The following SMG5 variants were observed in gnomAD, a reference collection of about 807,000 sequenced individuals.
SMG5 encodes SMG5 nonsense mediated mRNA decay factor.
A neutral mutation model predicts 122.9 loss-of-function variants in SMG5; 53 were observed. That is an observed-to-expected ratio of 0.43 (90% CI 0.35 to 0.54). The LOEUF (loss-of-function observed/expected upper bound fraction) is 0.54, where lower values mean the gene tolerates loss of function less well. SMG5 is among the 20% of genes least tolerant of loss of function. The probability of loss-of-function intolerance (pLI) is 0.01; values close to 1 mark genes in which losing one functional copy is unlikely to be tolerated. For synonymous variants in SMG5, 477 were observed against 490.2 expected, an observed-to-expected ratio of 0.97 and a Z score of 0.35; for missense variants, 1,153 against 1,285.6, an observed-to-expected ratio of 0.90 and a Z score of 1.58.
Position 156,268,343 on chromosome 1 carries a change from C to T in SMG5, c.786G>A (p.Met262Ile). The T allele has an allele frequency of 6.2e-7, 1 of 1,614,170 alleles. No homozygotes were observed. The highest frequency in any genetic ancestry group is 1.1e-5 in the South Asian group (1 of 91,078). Residue 262 changes from methionine (M) to isoleucine (I), a missense_variant, in exon 8 of 22, where the codon ATG becomes ATA. Met to Ile is a conservative substitution (Grantham distance 10). Coordinates refer to ENST00000361813, the MANE Select transcript of SMG5 (RefSeq NM_015327.3). ...TCTCACACTTCTTCAGTTGGTGGTA[C>T]ATTTTGGCTGCCTTGTCATACAGCC... ...LKRLYDKAAK[M>I]YHQLKKCETR... is the part of the protein sequence containing the mutation.
chr1:156,289,129 G>A, the SMG5 span, among the ~76,000 whole-genome samples: 1 of 152,182 alleles, frequency 6.6e-6, no homozygotes, highest in Non-Finnish European at 1.5e-5. Context: ...TCTGTAAAAT[G>A]AGGTCGTTAT....
Position 156,250,494 on chromosome 1 carries a change from G to A in SMG5, c.*93C>T, listed in dbSNP as rs894068696. On this transcript the variant is annotated 3_prime_UTR_variant, in exon 22 of 22. Transcript: ENST00000361813. ...CTCCTGTGTGCGTGCATGAGTCTGC[G>A]TGTGGTGGGGTGACTACAGGTGCTG... is the stretch of plus-strand genomic sequence containing the variant. 2.8e-5 allele frequency: 30 copies of A among 1,087,180 alleles called. 1 individual carries two copies. The highest frequency in any genetic ancestry group is 4.0e-4 in the Middle Eastern group (2 of 5,020). 67.3% of individuals were successfully genotyped at this position (1,087,180 alleles called of 1,614,324 possible).
At chr1:156,261,259 T>C in intron 14 of SMG5, 74 bp downstream of exon 14, 3 of 1,412,984 alleles carry the variant, frequency 2.1e-6, no homozygotes, top group Non-Finnish European at 3.0e-6. Flanking sequence ...GGCTGGGTTA[T>C]GGGGAGGGGA....
At position 156,278,978 on chromosome 1, in the gene SMG5, T is replaced by A; in HGVS notation, c.131A>T (p.Tyr44Phe). The A allele has an allele frequency of 1.2e-6, 2 of 1,614,218 alleles. No individual in the cohort carries two copies. Among genetic ancestry groups the A allele is most frequent in the South Asian group, 2.2e-5 (2 of 91,082 alleles). Reference protein sequence around the residue: ...LDLILCNKTAYQEVFKPENIS... With the variant: ...LDLILCNKTAFQEVFKPENIS... ...GTTTTCTGGTTTGAATACTTCTTGA[T>A]AAGCAGTTTTGTTGCAAAGGATGAG... is the stretch of plus-strand genomic sequence containing the variant. The change falls in exon 2 of 22, where the codon TAT becomes TTT. Residue 44 changes from tyrosine to phenylalanine, a missense_variant. Physicochemically the swap from Tyr to Phe is conservative, Grantham distance 22. Transcript: ENST00000361813.
chr1:156,267,722 TG>T (rs1420150622), intron 9 of SMG5, 44 bp from the exon 10 acceptor site: 3 of 1,507,254 alleles, frequency 2.0e-6, no homozygotes, highest in Non-Finnish European at 2.7e-6. Flanking sequence ...TGGTGGGGGC[TG>T]GGGAAGGAGA....
In SMG5 at chr1:156,258,727, C is replaced by T. The variant is rs190429022; in HGVS notation, c.2442+278G>A. 3.7e-3 allele frequency among the ~76,000 whole-genome samples: 561 copies of T among 151,786 alleles called. 1 individual carries two copies. Among genetic ancestry groups the T allele is most frequent in the African/African-American group, 0.013 (548 of 41,388 alleles). ...AGGAGAATCACTTGAACCTGGGAGC[C>T]GGAGGTTGCAGTGAGCTGAGATCAC... On this transcript the variant is annotated intron_variant, in intron 16 of 21. Coordinates refer to ENST00000361813, the MANE Select transcript of SMG5 (RefSeq NM_015327.3).
intron 16 of SMG5, among the ~76,000 whole-genome samples, chr1:156,255,432 G>A (rs912265810): frequency 6.6e-6 from 1 of 152,188 alleles, no homozygotes; most frequent in Non-Finnish European, 1.5e-5. Flanking sequence ...CCAGCTACTC[G>A]GGAGGCTGAG....
At chr1:156,267,333 T>C (rs758113634) in intron 10 of SMG5, 137 bp downstream of exon 10, 7 of 825,696 alleles carry the variant, frequency 8.5e-6, no homozygotes, top group East Asian at 2.6e-5. Flanking sequence ...TGGCCCTTAC[T>C]TGCCCACAGC....
At chr1:156,252,704 A>T in intron 18 of SMG5, 200 bp from the exon 19 acceptor site, 1 of 748,106 alleles carries the variant, frequency 1.3e-6, no homozygotes, top group Non-Finnish European at 2.1e-6. Context: ...GTGCTTTCTC[A>T]TTATATTCAC....
intron 3 of SMG5, among the ~76,000 whole-genome samples, chr1:156,277,570 T>C (rs1662741909): frequency 6.7e-6 from 1 of 148,880 alleles, no homozygotes; most frequent in Admixed American, 6.8e-5. Context: ...TGGAGTACAA[T>C]GGCGCGATCT....
At chr1:156,279,792 G>A (rs761949082) in intron 1 of SMG5, among the ~76,000 whole-genome samples, 8 of 152,192 alleles carry the variant, frequency 5.3e-5, no homozygotes, top group African/African-American at 1.2e-4. Flanking sequence ...CTGCTTAGCC[G>A]TAAGCAAGAT....
In SMG5 at chr1:156,274,150, CGA is replaced by C. The variant is rs552821780; in HGVS notation, c.544+445_544+446del. The stretch of plus-strand genomic sequence containing the variant: ...AATGAGAAACCACTGTCTATCAGGA[CGA>C]GAGGCCCCAGGGGCTATAAAGCAAA... On this transcript the variant is annotated intron_variant, in intron 5 of 21. Transcript: ENST00000361813. Among the ~76,000 whole-genome samples the C allele has an allele frequency of 2.0e-3, 305 of 152,240 alleles. 1 individual carries two copies. The highest frequency in any genetic ancestry group is 2.3e-3 in the Non-Finnish European group (158 of 68,012).
At chr1:156,282,519 A>ACCCGGGCCCCGCCCG in intron 1 of SMG5, 88 bp downstream of exon 1, 1 of 1,422,160 alleles carries the variant, frequency 7.0e-7, no homozygotes, top group Non-Finnish European at 9.5e-7. Context: ...TCACCCCGAC[A>ACCCGGGCCCCGCCCG]CCCGGGCCCC....
At chr1:156,252,350 T>A (rs952279867) in intron 19 of SMG5, 64 bp downstream of exon 19, 196 of 1,507,282 alleles carry the variant, frequency 1.3e-4, no homozygotes, top group Non-Finnish European at 1.7e-4. Context: ...GGGGCTTTCA[T>A]AAGCATGTGT....
In SMG5 at chr1:156,260,488, A is replaced by C. The variant is rs773343827; in HGVS notation, c.2246T>G (p.Phe749Cys). The C allele has an allele frequency of 1.9e-6, 3 of 1,593,136 alleles. No individual in the cohort carries two copies. In the African/African-American group the frequency reaches 4.1e-5, roughly 22 times the overall value. The change falls in exon 15 of 22, where the codon TTT (phenylalanine) becomes TGT (cysteine). Residue 749 changes from phenylalanine (F) to cysteine (C), a missense_variant. By Grantham distance (205) the Phe-to-Cys change is radical. This residue lies in a region of SMG5 where 631 missense variants were observed against 650.6 expected (regional missense o/e 0.97). Coordinates refer to ENST00000361813, the MANE Select transcript of SMG5 (RefSeq NM_015327.3). ...GCTGAGCAGGGGCCGATCCGTGTCA[A>C]AGTTAAAGCGTCTGTGGGCAGCTCG... ...PLRAAHRRFNFDTDRPLLSTL... is the reference protein window; with the variant it reads ...PLRAAHRRFNCDTDRPLLSTL...
chr1:156,260,363 C>T (rs1413340460), intron 15 of SMG5, 88 bp downstream of exon 15: 12 of 1,460,120 alleles, frequency 8.2e-6, no homozygotes, highest in Non-Finnish European at 1.0e-5. Context: ...AAGAGGGCAT[C>T]CTGCCCCCTC....
chr1:156,277,346 T>A, intron 3 of SMG5, 105 bp from the exon 4 acceptor site: 2 of 1,267,432 alleles, frequency 1.6e-6, no homozygotes, highest in East Asian at 2.5e-5. Flanking sequence ...TTCATCTACA[T>A]CTACTCTCAC....
chr1:156,274,151 G>A (rs181536110), intron 5 of SMG5, among the ~76,000 whole-genome samples: 6 of 151,660 alleles, frequency 4.0e-5, no homozygotes, highest in Admixed American at 2.6e-4. Flanking sequence ...CTATCAGGAC[G>A]AGAGGCCCCA....
Position 156,282,719 on chromosome 1 carries a change from C to G in SMG5, c.-39G>C. 4 of 1,564,982 alleles carry G rather than the reference C, an allele frequency of 2.6e-6. No homozygotes were observed. The highest frequency in any genetic ancestry group is 3.4e-6 in the Non-Finnish European group (4 of 1,161,258). ...GGGGGCAGCTCCCGGTCACAGGCCCCTGCCACCCACCACTACCGCCAACAC... is the reference window on the plus strand; with the variant it reads ...GGGGGCAGCTCCCGGTCACAGGCCCGTGCCACCCACCACTACCGCCAACAC... On this transcript the variant is annotated 5_prime_UTR_variant, in exon 1 of 22. Transcript: ENST00000361813.
Sources: gnomAD v4.1 joint callset for allele counts (sites outside exome capture counted in the v4.1 genomes callset) on GRCh38, gnomAD v4.1.1 for gene constraint, gnomAD v4.1.1 regional missense constraint, MANE v1.5 for transcripts, NCBI Gene and HGNC (gene_info 2026-07-23, HGNC 2026-07-21) for gene names.